The following NDNF variants were observed in gnomAD, a reference collection of about 807,000 sequenced individuals.
The protein encoded by NDNF is neuron derived neurotrophic factor.
A neutral mutation model predicts 42.0 loss-of-function variants in NDNF; 16 were observed. The observed-to-expected ratio is 0.38, with a 90% CI of 0.26 to 0.58. NDNF has a LOEUF of 0.58. NDNF is among the 20% of genes least tolerant of loss of function. The pLI is 0.67. For synonymous variants in NDNF, 248 were observed against 251.7 expected (o/e 0.99, Z 0.14); for missense variants, 616 against 666.2 (o/e 0.92, Z 0.83).
At chr4:121,067,980 G>A (rs949394164) in intron 1 of NDNF, among the ~76,000 whole-genome samples, 1 of 152,176 alleles carries the variant, frequency 6.6e-6, no homozygotes, top group African/African-American at 2.4e-5. Context: ...AATGCCAGGT[G>A]TCATCTCAGA....
At chr4:121,047,667 A>G (rs1727117211) in intron 1 of NDNF, among the ~76,000 whole-genome samples, 2 of 152,222 alleles carry the variant, frequency 1.3e-5, no homozygotes. Context: ...GTGTGATCTT[A>G]GGCAATTCAC....
In NDNF at chr4:121,037,585, T is replaced by C. The variant is rs776556518; in HGVS notation, c.386A>G (p.Lys129Arg). Residue 129 changes from lysine to arginine, a missense_variant, in exon 4 of 4, where the codon AAA becomes AGA. Transcript: ENST00000379692. ...TATAAAATACTCAACATCATTGCCT[T>C]TGTAGGAGAATAACTCAGTGCCTTC... Reference protein sequence around the residue: ...NEEGTELFSYKGNDVEYFISS... With the variant: ...NEEGTELFSYRGNDVEYFISS... 1.9e-6 allele frequency: 3 copies of C among 1,612,070 alleles called. No homozygotes were observed. The South Asian group carries it at 3.3e-5, about 18-fold the overall frequency.
At chr4:121,066,081 T>C (rs1329697792) in intron 1 of NDNF, among the ~76,000 whole-genome samples, 2 of 152,172 alleles carry the variant, frequency 1.3e-5, no homozygotes, top group East Asian at 1.9e-4. Flanking sequence ...CCATCTCTCA[T>C]GTAACCCATC....
intron 1 of NDNF, among the ~76,000 whole-genome samples, chr4:121,071,092 G>A (rs1421520514): frequency 6.6e-6 from 1 of 152,148 alleles, no homozygotes. Flanking sequence ...AAACAGCTGG[G>A]ACCTGCAATC....
At chr4:121,054,550 G>C (rs954409284) in intron 1 of NDNF, among the ~76,000 whole-genome samples, 7 of 152,362 alleles carry the variant, frequency 4.6e-5, no homozygotes, top group Middle Eastern at 6.8e-3. Flanking sequence ...TGAGTATTTA[G>C]AGAAGTTTTC....
chr4:121,048,297 A>G (rs1365889175), intron 1 of NDNF, among the ~76,000 whole-genome samples: 5 of 152,204 alleles, frequency 3.3e-5, no homozygotes, highest in African/African-American at 7.2e-5. Context: ...GAGCACTTGA[A>G]AGCGAGATAC....
At position 121,045,858 on chromosome 4, in the gene NDNF, T is replaced by G. The variant is rs768128332; in HGVS notation, c.-1-20A>C. 1.6e-4 allele frequency: 260 copies of G among 1,607,488 alleles called. No homozygotes were observed. Among genetic ancestry groups the G allele is most frequent in the Non-Finnish European group, 2.2e-4 (253 of 1,175,962 alleles). On this transcript the variant is annotated intron_variant, in intron 1 of 3. Coordinates refer to ENST00000379692, the MANE Select transcript of NDNF (RefSeq NM_024574.4). Reference sequence around the variant, plus strand: ...ACCATCCTGAGGCAACAGAAATGACTACTTTATTAGTTCTGCAGGCAGACA... The same window carrying G: ...ACCATCCTGAGGCAACAGAAATGACGACTTTATTAGTTCTGCAGGCAGACA...
chr4:121,039,192 GTATATATATATATA>G (rs57613027), intron 3 of NDNF, among the ~76,000 whole-genome samples: 20 of 21,552 alleles, frequency 9.3e-4, no homozygotes, highest in African/African-American at 2.1e-3. Context: ...GTGTGTGTGT[GTATATATATATATA>G]TATATATATA....
At chr4:121,068,039 A>C (rs1372069170) in intron 1 of NDNF, among the ~76,000 whole-genome samples, 2 of 152,194 alleles carry the variant, frequency 1.3e-5, no homozygotes, top group African/African-American at 4.8e-5. Flanking sequence ...ACAGACTTAC[A>C]CTGAAATGGT....
At chr4:121,063,099 A>T (rs1727441368) in intron 1 of NDNF, among the ~76,000 whole-genome samples, 1 of 152,194 alleles carries the variant, frequency 6.6e-6, no homozygotes, top group African/African-American at 2.4e-5. Context: ...ATTTAAAAAT[A>T]ATTTTAAAAA....
chr4:121,063,041 G>A (rs1038723157), intron 1 of NDNF, among the ~76,000 whole-genome samples: 10 of 151,804 alleles, frequency 6.6e-5, no homozygotes, highest in East Asian at 1.9e-4. Flanking sequence ...GTTTATAGGC[G>A]CTCTTGTTTT....
At chr4:121,068,790 T>C (rs989542840) in intron 1 of NDNF, among the ~76,000 whole-genome samples, 1 of 151,956 alleles carries the variant, frequency 6.6e-6, no homozygotes, top group Non-Finnish European at 1.5e-5. Context: ...GAAAGGAGAT[T>C]AAAATAATCT....
intron 1 of NDNF, among the ~76,000 whole-genome samples, chr4:121,059,985 G>C (rs1162132242): frequency 1.3e-5 from 2 of 152,138 alleles, no homozygotes; most frequent in African/African-American, 2.4e-5. Flanking sequence ...AATAGCAGCA[G>C]TAGGATTTTC....
rs1726893080 is a variant in NDNF at position 121,037,330 on chromosome 4, A to AC, written c.640dup (p.Val214GlyfsTer22). Reference sequence around the variant, plus strand: ...TTTGAAATTGTGCTCTTTGTTGATGACCACACAGTACTGAATGGGTTGTTT... The same window carrying AC: ...TTTGAAATTGTGCTCTTTGTTGATGACCCACACAGTACTGAATGGGTTGTTT... On this transcript the variant is annotated frameshift_variant, in exon 4 of 4. Coordinates refer to ENST00000379692, the MANE Select transcript of NDNF (RefSeq NM_024574.4). LOFTEE classifies it high-confidence loss of function. 1 of 1,613,994 alleles carries AC rather than the reference A, an allele frequency of 6.2e-7. No individual in the cohort carries two copies. Among genetic ancestry groups the AC allele is most frequent in the African/African-American group, 1.3e-5 (1 of 74,896 alleles).
At chr4:121,050,275 A>C (rs948120539) in intron 1 of NDNF, among the ~76,000 whole-genome samples, 6 of 152,244 alleles carry the variant, frequency 3.9e-5, no homozygotes, top group Non-Finnish European at 4.4e-5. Flanking sequence ...ATTCTTGTTA[A>C]GCATAAGCCT....
chr4:121,044,134 G>A (rs548256976), intron 2 of NDNF, among the ~76,000 whole-genome samples: 7 of 152,212 alleles, frequency 4.6e-5, no homozygotes, highest in South Asian at 2.1e-4. Context: ...ATGATAATCC[G>A]AACAATAGTT....
intron 1 of NDNF, among the ~76,000 whole-genome samples, chr4:121,059,337 C>T (rs1727359688): frequency 6.6e-6 from 1 of 152,176 alleles, no homozygotes. Context: ...TGAAAAAGAA[C>T]ATTCAAGTTA....
chr4:121,068,922 G>C (rs1047026118), intron 1 of NDNF, among the ~76,000 whole-genome samples: 14 of 152,004 alleles, frequency 9.2e-5, no homozygotes, highest in Admixed American at 9.2e-4. Context: ...TCCTAACGAC[G>C]ACAACAAAAA....
At chr4:121,067,614 AG>A (rs1342592934) in intron 1 of NDNF, among the ~76,000 whole-genome samples, 2 of 152,218 alleles carry the variant, frequency 1.3e-5, no homozygotes. Flanking sequence ...GCATTGTAAT[AG>A]GGCCAAATAC....
Sources: allele counts gnomAD v4.1 joint callset (sites outside exome capture counted in the v4.1 genomes callset), GRCh38; gene constraint gnomAD v4.1.1; transcripts MANE v1.5; gene names NCBI Gene and HGNC (gene_info 2026-07-23, HGNC 2026-07-21).